TTC7B: variants seen among roughly 807,000 people sequenced by gnomAD.
TTC7B encodes tetratricopeptide repeat domain 7B.
TTC7B carries 28 observed loss-of-function variants against 106.8 expected under a neutral mutation model. The observed-to-expected ratio is 0.26, with a 90% CI of 0.19 to 0.36. The LOEUF (loss-of-function observed/expected upper bound fraction) is 0.36. TTC7B is among the 10% of genes least tolerant of loss of function. The pLI is 1.00. For missense variants in TTC7B, 862 were observed against 1,076.4 expected, an observed-to-expected ratio of 0.80 and a Z score of 2.79; for synonymous variants, 405 against 430.6, an observed-to-expected ratio of 0.94 and a Z score of 0.74.
At chr14:90,804,814 G>A (rs890840550) in intron 1 of TTC7B, among the ~76,000 whole-genome samples, 1 of 152,214 alleles carries the variant, frequency 6.6e-6, no homozygotes, top group Admixed American at 6.5e-5. Context: ...GGCCAGGGGG[G>A]TAGTTCCTCA....
intron 14 of TTC7B, 49 bp from the exon 15 acceptor site, chr14:90,644,257 GCACA>G (rs199817416): frequency 1.7e-4 from 199 of 1,173,028 alleles, no homozygotes; most frequent in East Asian, 1.0e-3. Flanking sequence ...ACATGCACAC[GCACA>G]CACACACACA....
intron 12 of TTC7B, among the ~76,000 whole-genome samples, chr14:90,653,724 G>A (rs1348867186): frequency 2.0e-5 from 3 of 152,172 alleles, no homozygotes; most frequent in African/African-American, 4.8e-5. Flanking sequence ...GCTGCCAGGG[G>A]GTCAATGTGG....
rs1416126821 is a variant in TTC7B, at chr14:90,742,364, G to A, written c.576+2428C>T. Among the ~76,000 whole-genome samples the A allele has an allele frequency of 1.7e-5, 2 of 120,410 alleles. No individual in the cohort carries two copies. The highest frequency in any genetic ancestry group is 2.9e-4 in the South Asian group (1 of 3,492). 79.0% of individuals were successfully genotyped at this position (120,410 alleles called of 152,430 possible). On this transcript the variant is annotated intron_variant, in intron 4 of 19. Coordinates refer to ENST00000328459, the MANE Select transcript of TTC7B (RefSeq NM_001010854.2). This position sits in a 1 kb window ranked among gnomAD's most constrained non-coding sequence, Gnocchi z 4.1. Reference sequence around the variant, plus strand: ...TCTCTCTTCCTTTCTTTCTTCATTTGTAGAGACAAGGTCTCACTCTGTTGA... The same window carrying A: ...TCTCTCTTCCTTTCTTTCTTCATTTATAGAGACAAGGTCTCACTCTGTTGA...
At position 90,738,338 on chromosome 14, in the gene TTC7B, G is replaced by A. The variant is rs139961095; in HGVS notation, c.576+6454C>T. On this transcript the variant is annotated intron_variant, in intron 4 of 19. Coordinates refer to ENST00000328459, the MANE Select transcript of TTC7B (RefSeq NM_001010854.2). ...GAGAAAGTTAGTAGAGGCCGGGCAC[G>A]GTGGCTCATGCCTATAATCCCAGCA... 1.9e-3 allele frequency among the ~76,000 whole-genome samples: 289 copies of A among 152,228 alleles called. 1 individual carries two copies. Among genetic ancestry groups the A allele is most frequent in the Middle Eastern group, 6.8e-3 (2 of 294 alleles).
At chr14:90,626,700 T>C (rs1884458415) in intron 15 of TTC7B, among the ~76,000 whole-genome samples, 1 of 152,206 alleles carries the variant, frequency 6.6e-6, no homozygotes. Flanking sequence ...GATGCCAGCT[T>C]ATGGGCTGCC....
intron 19 of TTC7B, among the ~76,000 whole-genome samples, chr14:90,552,146 G>C (rs781641294): frequency 1.2e-4 from 18 of 152,186 alleles, no homozygotes; most frequent in Non-Finnish European, 2.4e-4. Context: ...CTGAGGGGAG[G>C]CATCCCCAGC....
In TTC7B at chr14:90,602,932, C is replaced by G. The variant is rs1566792882; in HGVS notation, c.1966+7810G>C. ...CACCCGCCTTGGGAAGACGGGGCAT[C>G]TCATGCTTCCAATCAGTGCCAGGAG... is the stretch of plus-strand genomic sequence containing the variant. On this transcript the variant is annotated intron_variant, in intron 17 of 19. Transcript: ENST00000328459. Among the ~76,000 whole-genome samples, 3 of 152,234 alleles carry G rather than the reference C, an allele frequency of 2.0e-5. No individual in the cohort carries two copies. The South Asian group carries it at 6.2e-4, about 32-fold the overall frequency.
Position 90,736,795 on chromosome 14 carries a change from G to A in TTC7B, c.577-6599C>T, listed in dbSNP as rs923811406. On this transcript the variant is annotated intron_variant, in intron 4 of 19. Transcript: ENST00000328459. ...CTAACTGGGAGGCTGGGGCAGGAGG[G>A]ACAGGAGGATCTCTTGAGCCCAGGA... Among the ~76,000 whole-genome samples the A allele has an allele frequency of 2.7e-5, 4 of 150,438 alleles. No individual in the cohort carries two copies. In the East Asian group the frequency reaches 7.8e-4, roughly 29 times the overall value.
At chr14:90,720,819 T>G (rs1050756797) in intron 5 of TTC7B, among the ~76,000 whole-genome samples, 8 of 152,214 alleles carry the variant, frequency 5.3e-5, no homozygotes, top group African/African-American at 1.9e-4. Context: ...CATAGCCCAC[T>G]GGTAATTTAC....
At chr14:90,649,806 C>G (rs1885637472) in intron 13 of TTC7B, among the ~76,000 whole-genome samples, 1 of 152,108 alleles carries the variant, frequency 6.6e-6, no homozygotes, top group Non-Finnish European at 1.5e-5. Flanking sequence ...CACCATCCAC[C>G]CATCCACATT....
chr14:90,579,452 A>T (rs1002505262), intron 18 of TTC7B, among the ~76,000 whole-genome samples: 3 of 152,266 alleles, frequency 2.0e-5, no homozygotes, highest in Admixed American at 2.0e-4. Flanking sequence ...CTTACATGTC[A>T]TATGATCCAC....
chr14:90,566,742 G>A (rs1448169611), intron 19 of TTC7B, among the ~76,000 whole-genome samples: 1 of 152,182 alleles, frequency 6.6e-6, no homozygotes, highest in Non-Finnish European at 1.5e-5. Flanking sequence ...GGGCAAAGTG[G>A]TCTAGAGCCC....
intron 3 of TTC7B, among the ~76,000 whole-genome samples, chr14:90,750,952 A>T (rs1890115859): frequency 6.6e-6 from 1 of 152,226 alleles, no homozygotes; most frequent in African/African-American, 2.4e-5. Context: ...AGTGTCCAGG[A>T]TCATATCAAC....
chr14:90,734,781 A>ATTAT (rs377597866), intron 4 of TTC7B, among the ~76,000 whole-genome samples: 14 of 151,426 alleles, frequency 9.2e-5, no homozygotes, highest in South Asian at 4.1e-4. Context: ...TATTTATTTT[A>ATTAT]TTATTTATTT....
intron 18 of TTC7B, among the ~76,000 whole-genome samples, chr14:90,579,267 C>T (rs1328382380): frequency 2.6e-5 from 4 of 152,234 alleles, no homozygotes; most frequent in Non-Finnish European, 5.9e-5. Context: ...GTCAAGTCTG[C>T]AGCCCAGAGC....
chr14:90,696,267 G>A (rs1035090965), intron 5 of TTC7B, among the ~76,000 whole-genome samples: 39 of 152,110 alleles, frequency 2.6e-4, no homozygotes, highest in African/African-American at 9.4e-4. Context: ...TTCATTAAGA[G>A]ACAAATAATT....
In TTC7B at chr14:90,532,563, C is replaced by T. The variant is rs1485856809; in HGVS notation, c.*8805G>A. 1 of 152,242 alleles carries T rather than the reference C, an allele frequency of 6.6e-6. No homozygotes were observed. Among genetic ancestry groups the T allele is most frequent in the African/African-American group, 2.4e-5 (1 of 41,458 alleles). 9.4% of individuals were successfully genotyped at this position (152,242 alleles called of 1,614,324 possible). On this transcript the variant is annotated 3_prime_UTR_variant, in exon 20 of 20. Transcript: ENST00000328459. ...CTTGTCACTCAATGTCACTGTCTTA[C>T]AGAGGTGTCCCCGACCAGCCAATCT...
intron 13 of TTC7B, among the ~76,000 whole-genome samples, chr14:90,650,249 C>A (rs894699508): frequency 6.6e-6 from 1 of 152,188 alleles, no homozygotes; most frequent in African/African-American, 2.4e-5. Context: ...AAAGCCAGAA[C>A]CTTGCTGCCT....
chr14:90,622,584 A>G (rs1485023586), intron 15 of TTC7B, among the ~76,000 whole-genome samples: 1 of 151,916 alleles, frequency 6.6e-6, no homozygotes, highest in Non-Finnish European at 1.5e-5. Context: ...ATAAAAATTA[A>G]CCAGTTGTGG....
Sources: gnomAD v4.1 joint callset for allele counts (sites outside exome capture counted in the v4.1 genomes callset) on GRCh38, gnomAD v4.1.1 for gene constraint, Gnocchi (gnomAD v3.1) non-coding constraint, MANE v1.5 for transcripts, NCBI Gene and HGNC (gene_info 2026-07-23, HGNC 2026-07-21) for gene names.